MCTP2: variants seen among roughly 807,000 people sequenced by gnomAD.
The protein encoded by MCTP2 is multiple C2 and transmembrane domain containing 2, also known as multiple C2 and transmembrane domain-containing protein 2.
Under a neutral mutation model 111.6 loss-of-function variants are expected in MCTP2, and 132 were observed. The ratio of observed to expected loss-of-function variants is 1.18; its 90% confidence interval spans 1.03 to 1.37. The LOEUF is 1.37. Ranked by LOEUF, MCTP2 falls within the 40% of genes most tolerant of loss-of-function variation. The pLI, the probability that MCTP2 is intolerant of heterozygous loss-of-function variation, is 0.00. For missense variants in MCTP2, 1,183 were observed against 1,067.9 expected (o/e 1.11, Z -1.50); for synonymous variants, 395 against 387.7 (o/e 1.02, Z -0.22).
intron 17 of MCTP2, among the ~76,000 whole-genome samples, chr15:94,431,743 A>C (rs2083194891): frequency 6.6e-6 from 1 of 152,126 alleles, no homozygotes; most frequent in Non-Finnish European, 1.5e-5. Context: ...ACCTTTACCC[A>C]ATATGTTTAT....
chr15:94,362,181 CA>C (rs1567529648), intron 10 of MCTP2, among the ~76,000 whole-genome samples: 1 of 152,118 alleles, frequency 6.6e-6, no homozygotes, highest in Non-Finnish European at 1.5e-5. Flanking sequence ...TAGATAGAAA[CA>C]GTGAGCTTTT....
intron 10 of MCTP2, among the ~76,000 whole-genome samples, chr15:94,361,084 G>GTTTTTTTTTTTTTTTTT (rs67774490): frequency 1.2e-4 from 1 of 8,416 alleles, no homozygotes; most frequent in Non-Finnish European, 2.6e-4. Flanking sequence ...AATATTTCAA[G>GTTTTTTTTTTTTTTTTT]TTTTTTTTTT....
At chr15:94,262,212 GCA>G (rs2073226390) in intron 1 of MCTP2, among the ~76,000 whole-genome samples, 1 of 152,016 alleles carries the variant, frequency 6.6e-6, no homozygotes, top group Admixed American at 6.5e-5. Context: ...TAGTCTTATT[GCA>G]CAGTTATTAA....
intron 2 of MCTP2, among the ~76,000 whole-genome samples, chr15:94,307,004 C>T (rs2075913369): frequency 1.3e-5 from 2 of 152,146 alleles, no homozygotes; most frequent in East Asian, 1.9e-4. Flanking sequence ...AGTCGTACCT[C>T]AATATGTGAT....
chr15:94,379,985 C>G (rs918334580), intron 12 of MCTP2, among the ~76,000 whole-genome samples: 1 of 150,928 alleles, frequency 6.6e-6, no homozygotes, highest in Non-Finnish European at 1.5e-5. Context: ...ACAAGAAGGA[C>G]TTATCCATTT....
intron 17 of MCTP2, among the ~76,000 whole-genome samples, chr15:94,429,241 C>A (rs563528053): frequency 6.6e-6 from 1 of 152,296 alleles, no homozygotes; most frequent in East Asian, 1.9e-4. Context: ...ACCCTTATCA[C>A]TGATTCAAAG....
At chr15:94,399,142 T>C in intron 15 of MCTP2, 80 bp downstream of exon 15, 5 of 737,570 alleles carry the variant, frequency 6.8e-6, no homozygotes, top group Non-Finnish European at 1.2e-5. Context: ...CTCAAATCAA[T>C]GTAAGATGTT....
At chr15:94,405,610 G>T (rs949361356) in intron 17 of MCTP2, among the ~76,000 whole-genome samples, 15 of 152,222 alleles carry the variant, frequency 9.9e-5, no homozygotes, top group African/African-American at 3.4e-4. Flanking sequence ...CCCAACATGA[G>T]AGAAGAAAGT....
intron 8 of MCTP2, among the ~76,000 whole-genome samples, chr15:94,350,874 A>G (rs374802779): frequency 6.6e-6 from 1 of 152,106 alleles, no homozygotes; most frequent in East Asian, 1.9e-4. Flanking sequence ...GTGTTGTTTT[A>G]TCTCTTCATT....
intron 17 of MCTP2, among the ~76,000 whole-genome samples, chr15:94,409,131 C>G (rs911300720): frequency 6.6e-6 from 1 of 152,032 alleles, no homozygotes; most frequent in African/African-American, 2.4e-5. Context: ...AAAGGCAGAC[C>G]CACCCTTAAT....
chr15:94,372,989 T>G (rs1273793230), intron 12 of MCTP2, among the ~76,000 whole-genome samples: 1 of 152,186 alleles, frequency 6.6e-6, no homozygotes, highest in African/African-American at 2.4e-5. Flanking sequence ...TCAGGAATCC[T>G]GATAAAGCAA....
chr15:94,241,692 G>T (rs2070971635), intron 1 of MCTP2, among the ~76,000 whole-genome samples: 1 of 151,932 alleles, frequency 6.6e-6, no homozygotes, highest in African/African-American at 2.4e-5. Context: ...AAACTTACTA[G>T]TGGTTCCTTT....
intron 17 of MCTP2, among the ~76,000 whole-genome samples, chr15:94,404,295 T>C (rs570967729): frequency 1.4e-5 from 2 of 146,962 alleles, no homozygotes; most frequent in South Asian, 4.3e-4. Context: ...TCATCTCTTA[T>C]TTTTTATTGT....
chr15:94,413,475 A>G (rs2082243970), intron 17 of MCTP2, among the ~76,000 whole-genome samples: 1 of 151,726 alleles, frequency 6.6e-6, no homozygotes, highest in African/African-American at 2.4e-5. Flanking sequence ...TTTAACCTGC[A>G]GCTAAAATTT....
chr15:94,248,654 T>C (rs1016528529), intron 1 of MCTP2, among the ~76,000 whole-genome samples: 1 of 152,214 alleles, frequency 6.6e-6, no homozygotes, highest in Non-Finnish European at 1.5e-5. Flanking sequence ...AAGATACTTA[T>C]TGGAAATTAG....
rs1253569197 is a variant in MCTP2 at position 94,442,930 on chromosome 15, CAT to C, written c.2222_2223del (p.Ile741ArgfsTer2). 2 of 1,612,886 alleles carry C rather than the reference CAT, an allele frequency of 1.2e-6. No homozygotes were observed. The highest frequency in any genetic ancestry group is 3.3e-5 in the Admixed American group (2 of 59,914). On this transcript the variant is annotated frameshift_variant, in exon 19 of 23. Transcript: ENST00000357742. LOFTEE classifies it high-confidence loss of function. ...SIQDSQESTD[I>X]DDEEDEDDKE... ...GGATTTCCTTTCAGGAGAGCACAGA[CAT>C]AGATGACGAGGAGGATGAAGATGAC...
intron 13 of MCTP2, 100 bp downstream of exon 13, chr15:94,384,224 A>C: frequency 2.8e-6 from 2 of 725,822 alleles, no homozygotes; most frequent in East Asian, 5.5e-5. Flanking sequence ...CAAAGAGTAA[A>C]TTTTATTGTT....
chr15:94,457,665 A>T (rs1416640890), intron 19 of MCTP2, among the ~76,000 whole-genome samples: 2 of 152,146 alleles, frequency 1.3e-5, no homozygotes, highest in Non-Finnish European at 2.9e-5. Flanking sequence ...ATGCTTAAAA[A>T]TGCAGCGGAG....
At chr15:94,388,935 G>A (rs2080689232) in intron 14 of MCTP2, among the ~76,000 whole-genome samples, 3 of 152,176 alleles carry the variant, frequency 2.0e-5, no homozygotes, top group Admixed American at 2.0e-4. Context: ...AGAATCAAGA[G>A]GCTATTTTGT....
Sources: gnomAD v4.1 joint callset for allele counts (sites outside exome capture counted in the v4.1 genomes callset) on GRCh38, gnomAD v4.1.1 for gene constraint, MANE v1.5 for transcripts, NCBI Gene and HGNC (gene_info 2026-07-23, HGNC 2026-07-21) for gene names.